Variants in GYG1 observed in about 807,000 individuals in gnomAD.
GYG1 encodes the protein glycogenin-1.
A neutral mutation model predicts 41.9 loss-of-function variants in GYG1; 44 were observed. The observed-to-expected ratio is 1.05, with a 90% CI of 0.83 to 1.35. GYG1 has a LOEUF of 1.35. Among genes scored for constraint, GYG1 ranks in the 40% most tolerant of loss-of-function variants. GYG1 has a pLI of 0.00. For synonymous variants in GYG1, 141 were observed against 158.1 expected (o/e 0.89, Z 0.81); for missense variants, 429 against 418.9 (o/e 1.02, Z -0.21).
chr3:149,023,921 T>C (rs1467202045), intron 5 of GYG1, 132 bp from the exon 6 acceptor site: 1 of 735,898 alleles, frequency 1.4e-6, no homozygotes, highest in Non-Finnish European at 2.5e-6. Context: ...GCTACTGCAC[T>C]CCAGCCTGGG....
chr3:149,016,780 A>G (rs916384709), intron 5 of GYG1, among the ~76,000 whole-genome samples: 2 of 152,120 alleles, frequency 1.3e-5, no homozygotes, highest in African/African-American at 4.8e-5. Context: ...TGTGACTCCT[A>G]ACTTAGATTG....
intron 5 of GYG1, among the ~76,000 whole-genome samples, chr3:149,020,593 T>TGCGACA (rs1327967970): frequency 1.3e-5 from 2 of 152,246 alleles, no homozygotes; most frequent in Non-Finnish European, 2.9e-5. Context: ...ATATGAATAC[T>TGCGACA]TTATATTCTT....
intron 5 of GYG1, among the ~76,000 whole-genome samples, chr3:149,009,836 C>G (rs1381241609): frequency 6.6e-6 from 1 of 152,190 alleles, no homozygotes; most frequent in East Asian, 1.9e-4. Context: ...GGGATTAAGC[C>G]AGATGCAGGC....
At chr3:149,015,433 G>A (rs201127795) in intron 5 of GYG1, among the ~76,000 whole-genome samples, 2 of 152,120 alleles carry the variant, frequency 1.3e-5, no homozygotes, top group East Asian at 3.8e-4. Context: ...ATAGGGACAA[G>A]AGAATAGAAG....
rs189289248 is a variant in GYG1, at chr3:149,005,942, A to G, written c.482-3334A>G. On this transcript the variant is annotated intron_variant, in intron 4 of 7. Transcript: ENST00000345003. ...CTCAGATTTCACCAGTTTTATATGT[A>G]TTCCCTTTTCTGTGTGTATGTGTAT... Among the ~76,000 whole-genome samples, 10 of 152,202 alleles carry G rather than the reference A, an allele frequency of 6.6e-5. No homozygotes were observed. The East Asian group carries it at 1.7e-3, about 26-fold the overall frequency.
At chr3:149,007,670 G>T (rs964230393) in intron 4 of GYG1, among the ~76,000 whole-genome samples, 14 of 152,324 alleles carry the variant, frequency 9.2e-5, no homozygotes, top group South Asian at 8.3e-4. Context: ...AACGACAGCC[G>T]ACTGGACTTG....
At position 148,991,690 on chromosome 3, in the gene GYG1, C is replaced by G. The variant is rs761881131; in HGVS notation, c.7+43C>G. 14 of 1,450,890 alleles carry G rather than the reference C, an allele frequency of 9.6e-6. No homozygotes were observed. In the Admixed American group the frequency reaches 1.0e-4, roughly 10 times the overall value. The allele number at this position is 1,450,890 out of a possible 1,614,324, so 89.9% of individuals were successfully genotyped here. A position where few individuals can be genotyped will look rare whatever the true frequency, so the allele number is the denominator to read the frequency against. On this transcript the variant is annotated intron_variant, in intron 1 of 7. Coordinates refer to ENST00000345003, the MANE Select transcript of GYG1 (RefSeq NM_004130.4). ...GCCGCCGCCAGCCCCGGGACCCCGG[C>G]TTCCTGCCCAGCCGCCGCCTCCCTT... is the stretch of plus-strand genomic sequence containing the variant.
rs114704879 is a variant in GYG1, at chr3:148,994,388, T to C, written c.143+111T>C. 1,286 of 1,166,638 alleles carry C rather than the reference T, an allele frequency of 1.1e-3. 8 individuals are homozygous for C. The African/African-American group carries it at 0.018, about 16-fold the overall frequency. 72.3% of individuals were successfully genotyped at this position (1,166,638 alleles called of 1,614,324 possible). A position where few individuals can be genotyped will look rare whatever the true frequency, so the allele number is the denominator to read the frequency against. On this transcript the variant is annotated intron_variant, in intron 2 of 7. Transcript: ENST00000345003. ...CTCTTTTCAGGAATTGAGCACCGGG[T>C]AGAGAAAAATGAGAGATGCTGAGTG... is the stretch of plus-strand genomic sequence containing the variant.
chr3:149,017,993 A>G (rs1215414205), intron 5 of GYG1, among the ~76,000 whole-genome samples: 1 of 152,082 alleles, frequency 6.6e-6, no homozygotes, highest in East Asian at 1.9e-4. Context: ...AAAACACTAG[A>G]AAAATATTCT....
chr3:149,023,818 C>G (rs1394258195), intron 5 of GYG1, among the ~76,000 whole-genome samples: 2 of 151,994 alleles, frequency 1.3e-5, no homozygotes, highest in African/African-American at 2.4e-5. Context: ...GACCCTGGCT[C>G]TACAAAAAAA....
intron 4 of GYG1, among the ~76,000 whole-genome samples, chr3:149,003,423 T>G (rs1454915031): frequency 6.6e-6 from 1 of 152,170 alleles, no homozygotes; most frequent in Admixed American, 6.5e-5. Flanking sequence ...GACTTTTACT[T>G]TATTTACTTT....
intron 5 of GYG1, among the ~76,000 whole-genome samples, chr3:149,016,573 G>T (rs140503635): frequency 3.9e-5 from 6 of 152,168 alleles, no homozygotes; most frequent in African/African-American, 9.7e-5. Flanking sequence ...TGCTGACATT[G>T]TTCTGATTTC....
Position 149,030,029 on chromosome 3 carries a change from ACT to A in GYG1, c.*3100_*3101del, listed in dbSNP as rs904983984. 6 of 152,310 alleles carry A rather than the reference ACT, an allele frequency of 3.9e-5. No individual in the cohort carries two copies. The highest frequency in any genetic ancestry group is 1.2e-4 in the African/African-American group (5 of 41,590). The allele number at this position is 152,310 out of a possible 1,614,324, so 9.4% of individuals were successfully genotyped here. ...TATTCTGTTACAGTAATCTTCATGT[ACT>A]CTCAAAAAAATGTAACACTTGCATA... On this transcript the variant is annotated 3_prime_UTR_variant, in exon 8 of 8. Transcript: ENST00000345003.
chr3:149,018,889 C>CA (rs1457254183), intron 5 of GYG1, among the ~76,000 whole-genome samples: 2 of 151,568 alleles, frequency 1.3e-5, no homozygotes, highest in Admixed American at 1.3e-4. Flanking sequence ...CTCGTCTCTA[C>CA]AAAAAATAAA....
rs748509747 is a variant in GYG1 at position 149,026,908 on chromosome 3, G to A, written c.1028G>A (p.Arg343Lys). ...MGADSFDNIK[R>K]KLDTYLQ ...GCAGATTCCTTTGACAACATCAAGAGGAAACTTGACACTTACCTCCAGTAG... is the reference window on the plus strand; with the variant it reads ...GCAGATTCCTTTGACAACATCAAGAAGAAACTTGACACTTACCTCCAGTAG... Residue 343 changes from arginine (R) to lysine (K), a missense_variant, in exon 8 of 8, where the codon AGG becomes AAG. Arg to Lys is a conservative substitution (Grantham distance 26, BLOSUM62 2). Transcript: ENST00000345003. 6.2e-7 allele frequency: 1 copy of A among 1,613,632 alleles called. No homozygotes were observed. Among genetic ancestry groups the A allele is most frequent in the Non-Finnish European group, 8.5e-7 (1 of 1,179,534 alleles).
Position 149,026,794 on chromosome 3 carries a change from T to C in GYG1, c.914T>C (p.Leu305Pro), listed in dbSNP as rs1193590694. ...DVSGAISHLS[L>P]GEIPAMAQPF... is the part of the protein sequence containing the mutation. ...TCAGGAGCCATATCACATCTGTCCC[T>C]TGGGGAGATCCCAGCTATGGCACAG... is the stretch of plus-strand genomic sequence containing the variant. Residue 305 changes from leucine to proline, a missense_variant, in exon 8 of 8, where the codon CTT becomes CCT. Physicochemically the swap from Leu to Pro is moderately conservative, Grantham distance 98. Transcript: ENST00000345003. 3 of 1,613,716 alleles carry C rather than the reference T, an allele frequency of 1.9e-6. No homozygotes were observed. In the East Asian group the frequency reaches 6.7e-5, roughly 36 times the overall value.
At position 149,029,643 on chromosome 3, in the gene GYG1, C is replaced by G. The variant is rs1042627376; in HGVS notation, c.*2710C>G. On this transcript the variant is annotated 3_prime_UTR_variant, in exon 8 of 8. Coordinates refer to ENST00000345003, the MANE Select transcript of GYG1 (RefSeq NM_004130.4). ...TCTCATCCAAATGCTAATGCATAAACCTTGACAAGTAGTATAAATAAAACA... is the reference window on the plus strand; with the variant it reads ...TCTCATCCAAATGCTAATGCATAAAGCTTGACAAGTAGTATAAATAAAACA... Among the ~76,000 whole-genome samples the G allele has an allele frequency of 6.6e-6, 1 of 152,134 alleles. No individual in the cohort carries two copies. The highest frequency in any genetic ancestry group is 1.5e-5 in the Non-Finnish European group (1 of 68,020).
intron 6 of GYG1, among the ~76,000 whole-genome samples, chr3:149,024,678 TCAGTGAAAATGACAATATGAACATA>T (rs1350203532): frequency 6.6e-6 from 1 of 152,344 alleles, no homozygotes; most frequent in Non-Finnish European, 1.5e-5. Context: ...GAATGTGTTT[TCAGTGAAAATGACAATATGAACATA>T]CAGTAAATAC....
rs1158854635 is a variant in GYG1, at chr3:149,027,614, TA to T, written c.*685del. 6.6e-6 allele frequency: 1 copy of T among 152,592 alleles called. No individual in the cohort carries two copies. The highest frequency in any genetic ancestry group is 1.5e-5 in the Non-Finnish European group (1 of 68,060). The allele number at this position is 152,592 out of a possible 1,614,324, so 9.5% of individuals were successfully genotyped here. The stretch of plus-strand genomic sequence containing the variant: ...CTGCAGTGGCACCCTGTACAAAAAA[TA>T]AAAGACTTATTGCTGTATCTTGGTT... On this transcript the variant is annotated 3_prime_UTR_variant, in exon 8 of 8. Transcript: ENST00000345003.
Sources: allele counts gnomAD v4.1 joint callset (sites outside exome capture counted in the v4.1 genomes callset), GRCh38; gene constraint gnomAD v4.1.1; transcripts MANE v1.5; gene names NCBI Gene and HGNC (gene_info 2026-07-23, HGNC 2026-07-21).